PDE10A: variants seen among roughly 807,000 people sequenced by gnomAD.
PDE10A encodes phosphodiesterase 10A, also known as cAMP and cAMP-inhibited cGMP 3',5'-cyclic phosphodiesterase 10A.
PDE10A carries 39 observed loss-of-function variants against 97.7 expected under a neutral mutation model. The ratio of observed to expected loss-of-function variants is 0.40; its 90% CI spans 0.31 to 0.52. The LOEUF is 0.52. Among genes scored for constraint, PDE10A ranks in the 20% least tolerant of loss-of-function variants. The pLI is 0.56. For missense variants in PDE10A, 731 were observed against 1,047.8 expected (o/e 0.70, Z 4.17); for synonymous variants, 371 against 376.8 (o/e 0.98, Z 0.18).
rs141460567 is a variant in PDE10A, at chr6:165,929,450, A to G, written c.-615+58079T>C. Among the ~76,000 whole-genome samples, 58 of 152,314 alleles carry G rather than the reference A, an allele frequency of 3.8e-4. No individual in the cohort carries two copies. In the East Asian group the frequency reaches 8.5e-3, roughly 22 times the overall value. ...CGTTCCATACATGTGATGGAATAAT[A>G]CAACATTGCTGTGAAGGCCGTCAGA... On this transcript the variant is annotated intron_variant, in intron 1 of 19. Transcript: ENST00000366882.
At chr6:165,474,298 AAAAC>A (rs1779174445) in intron 3 of PDE10A, among the ~76,000 whole-genome samples, 1 of 152,216 alleles carries the variant, frequency 6.6e-6, no homozygotes, top group Non-Finnish European at 1.5e-5. Context: ...TATTTTAAGC[AAAAC>A]AAACAAAAAA....
chr6:165,971,393 G>A (rs530674742), intron 1 of PDE10A, among the ~76,000 whole-genome samples: 7 of 152,186 alleles, frequency 4.6e-5, no homozygotes, highest in African/African-American at 9.6e-5. Context: ...CACACTGGAC[G>A]ACCTCACTTA....
At chr6:165,915,555 CT>C (rs1217387949) in intron 1 of PDE10A, among the ~76,000 whole-genome samples, 1 of 152,130 alleles carries the variant, frequency 6.6e-6, no homozygotes, top group Non-Finnish European at 1.5e-5. Flanking sequence ...GGCTCCTCCC[CT>C]GCTGGGAGTG....
At chr6:165,967,451 T>C (rs1784544969) in intron 1 of PDE10A, among the ~76,000 whole-genome samples, 1 of 152,226 alleles carries the variant, frequency 6.6e-6, no homozygotes, top group Non-Finnish European at 1.5e-5. Flanking sequence ...GAGCCAAGAC[T>C]GTGCCACTGC....
chr6:165,717,741 T>C (rs73028201), intron 1 of PDE10A, among the ~76,000 whole-genome samples: 7,768 of 152,316 alleles, frequency 0.051, 337 homozygotes, highest in African/African-American at 0.12. Context: ...TGTTTTACAT[T>C]CCCACCAGCA....
chr6:165,480,587 TAA>T (rs1012673241), intron 3 of PDE10A, among the ~76,000 whole-genome samples: 1 of 144,010 alleles, frequency 6.9e-6, no homozygotes. Flanking sequence ...TTGCCTCAAT[TAA>T]AAAAAAAAAG....
intron 1 of PDE10A, among the ~76,000 whole-genome samples, chr6:165,906,855 G>A (rs1184860902): frequency 6.6e-6 from 1 of 152,214 alleles, no homozygotes; most frequent in Non-Finnish European, 1.5e-5. Flanking sequence ...GGCCAAGAGA[G>A]GTGAAGTAAC....
intron 1 of PDE10A, among the ~76,000 whole-genome samples, chr6:165,766,603 G>A (rs920845216): frequency 5.9e-5 from 9 of 152,120 alleles, no homozygotes; most frequent in African/African-American, 2.2e-4. Flanking sequence ...TAATGCCCTC[G>A]CTTTTATTGT....
intron 1 of PDE10A, among the ~76,000 whole-genome samples, chr6:165,983,573 G>A (rs1303430669): frequency 6.6e-6 from 1 of 152,184 alleles, no homozygotes; most frequent in African/African-American, 2.4e-5. Context: ...GACTACCACT[G>A]AAAGTTAATT....
chr6:165,883,801 C>G (rs935995703), intron 1 of PDE10A, among the ~76,000 whole-genome samples: 1 of 152,110 alleles, frequency 6.6e-6, no homozygotes, highest in African/African-American at 2.4e-5. Context: ...CAGCACTGAT[C>G]TACCCTAAGC....
rs553428646 is a variant in PDE10A at position 165,592,234 on chromosome 6, T to C, written c.866-48666A>G. ...AGGATTCCTTATTTAATAAATGGTG[T>C]AGGGAAAACTGGCTAGCCATATGCA... is the stretch of plus-strand genomic sequence containing the variant. On this transcript the variant is annotated intron_variant, in intron 1 of 21. Transcript: ENST00000539869. Among the ~76,000 whole-genome samples, 29 of 152,212 alleles carry C rather than the reference T, an allele frequency of 1.9e-4. No individual in the cohort carries two copies. In the South Asian group the frequency reaches 6.0e-3, roughly 32 times the overall value.
chr6:165,400,523 G>A (rs1786569019), intron 13 of PDE10A, among the ~76,000 whole-genome samples: 1 of 152,142 alleles, frequency 6.6e-6, no homozygotes, highest in South Asian at 2.1e-4. Context: ...ACAAACAAAA[G>A]ATGGACAAAA....
chr6:165,654,790 A>G (rs1789854800), intron 1 of PDE10A, among the ~76,000 whole-genome samples: 1 of 152,022 alleles, frequency 6.6e-6, no homozygotes. Context: ...GCCACGGACG[A>G]CCTCCTGGCT....
chr6:165,389,371 G>A (rs1174539554), intron 16 of PDE10A, among the ~76,000 whole-genome samples: 1 of 152,186 alleles, frequency 6.6e-6, no homozygotes, highest in East Asian at 1.9e-4. Flanking sequence ...TTTAGACCAG[G>A]ATAATAACAG....
chr6:165,813,285 T>A (rs1045105154), intron 1 of PDE10A, among the ~76,000 whole-genome samples: 2 of 148,104 alleles, frequency 1.4e-5, no homozygotes, highest in Non-Finnish European at 3.0e-5. Flanking sequence ...CCTGCTAACC[T>A]TATATTTTTG....
chr6:165,710,187 A>G (rs1169738598), intron 1 of PDE10A, among the ~76,000 whole-genome samples: 1 of 151,754 alleles, frequency 6.6e-6, no homozygotes, highest in African/African-American at 2.4e-5. Context: ...AGCACTGACC[A>G]CTCTCTGAAG....
intron 1 of PDE10A, chr6:165,660,100 G>A (rs1790164117): frequency 6.6e-6 from 1 of 152,384 alleles, no homozygotes; most frequent in South Asian, 2.1e-4. Context: ...TCTTAAGAAA[G>A]AATTCACAAG....
At chr6:165,409,602 G>C (rs1035466738) in intron 13 of PDE10A, 7 of 163,140 alleles carry the variant, frequency 4.3e-5, no homozygotes, top group African/African-American at 1.7e-4. Context: ...GATCTCGTCT[G>C]ATCTCGGAAG....
At chr6:165,947,310 T>C (rs879790685) in intron 1 of PDE10A, 8 of 152,260 alleles carry the variant, frequency 5.3e-5, no homozygotes, top group Admixed American at 5.2e-4. Context: ...TAAAGCCTGG[T>C]TGACTGGCCA....
Sources: allele counts gnomAD v4.1 joint callset (sites outside exome capture counted in the v4.1 genomes callset), GRCh38; gene constraint gnomAD v4.1.1; transcripts MANE v1.5; gene names NCBI Gene and HGNC (gene_info 2026-07-23, HGNC 2026-07-21).